Variants in B4GALNT4 observed in about 807,000 individuals in gnomAD.
B4GALNT4 encodes the protein N-acetyl-beta-glucosaminyl-glycoprotein 4-beta-N-acetylgalactosaminyltransferase 1.
Under a neutral mutation model 110.0 loss-of-function variants are expected in B4GALNT4, and 77 were observed. The ratio of observed to expected loss-of-function variants is 0.70; its 90% CI spans 0.58 to 0.85. The LOEUF is 0.85. B4GALNT4 is among the 40% of genes least tolerant of loss of function. B4GALNT4 has a pLI of 0.00. For missense variants in B4GALNT4, 1,575 were observed against 1,506.0 expected (o/e 1.05, Z -0.76); for synonymous variants, 785 against 655.5 (o/e 1.20, Z -3.02).
Position 376,349 on chromosome 11 carries a change from A to G in B4GALNT4, c.1295A>G (p.Asp432Gly), listed in dbSNP as rs750803466. 1 of 1,607,496 alleles carries G rather than the reference A, an allele frequency of 6.2e-7. No homozygotes were observed. Among genetic ancestry groups the G allele is most frequent in the Non-Finnish European group, 8.5e-7 (1 of 1,177,372 alleles). The change falls in exon 13 of 20, where the codon GAC becomes GGC. Residue 432 changes from aspartate (D) to glycine (G), a missense_variant and splice_region_variant. Coordinates refer to ENST00000329962, the MANE Select transcript of B4GALNT4 (RefSeq NM_178537.5). ...CGAGCCTTCCTCTTCCTCAACCCGG[A>G]CGGTGAGTGTCCGCAGCGCCCCTGG... ...QRRAFLFLNP[D>G]DFLDDEDEGE... is the part of the protein sequence containing the mutation.
At chr11:370,180 C>T (rs1846592369) in intron 1 of B4GALNT4, among the ~76,000 whole-genome samples, 1 of 151,782 alleles carries the variant, frequency 6.6e-6, no homozygotes, top group African/African-American at 2.4e-5. Flanking sequence ...TCGGCTCGGC[C>T]CGGACGCTCG....
Position 380,241 on chromosome 11 carries a change from C to T in B4GALNT4, c.2715+39C>T, listed in dbSNP as rs776972376. ...ATGGGGGTCGGGGAGCAAAACGGGG[C>T]GTGCCCGGGGAGGAGCGGAGGGCGG... On this transcript the variant is annotated intron_variant, in intron 17 of 19. Transcript: ENST00000329962. The T allele has an allele frequency of 1.4e-5, 22 of 1,606,782 alleles. No individual in the cohort carries two copies. The African/African-American group carries it at 1.5e-4, about 11-fold the overall frequency.
Position 369,760 on chromosome 11 carries a change from A to T in B4GALNT4, c.-44A>T, listed in dbSNP as rs1161315839. Reference sequence around the variant, plus strand: ...GGGGCGGGCGGGGGCCGGGGGCTGCAGCGGCGCCGCTGAGCGCGGCCTGGG... The same window carrying T: ...GGGGCGGGCGGGGGCCGGGGGCTGCTGCGGCGCCGCTGAGCGCGGCCTGGG... On this transcript the variant is annotated 5_prime_UTR_variant, in exon 1 of 20. Transcript: ENST00000329962. The T allele has an allele frequency of 9.5e-4, 885 of 930,120 alleles. No homozygotes were observed. The highest frequency in any genetic ancestry group is 1.1e-3 in the Non-Finnish European group (851 of 785,544). The allele number at this position is 930,120 out of a possible 1,614,324, so 57.6% of individuals were successfully genotyped here. A position where few individuals can be genotyped will look rare whatever the true frequency, so the allele number is the denominator to read the frequency against.
rs1159058985 is a variant in B4GALNT4 at position 380,026 on chromosome 11, A to AC, written c.2642+11dup. On this transcript the variant is annotated splice_region_variant and intron_variant, in intron 16 of 19. Transcript: ENST00000329962. ...GCGCCGCGCGCCTGCCCCGGTAACG[A>AC]CCCCTACTTCCACCTGGGCGGACCC... 6.2e-7 allele frequency: 1 copy of AC among 1,610,666 alleles called. No homozygotes were observed. Among genetic ancestry groups the AC allele is most frequent in the South Asian group, 1.1e-5 (1 of 90,866 alleles).
At chr11:372,017 A>C (rs1009436507) in intron 1 of B4GALNT4, 92 bp from the exon 2 acceptor site, 1 of 1,018,766 alleles carries the variant, frequency 9.8e-7, no homozygotes, top group Non-Finnish European at 1.5e-6. Flanking sequence ...TGCTCTGGCC[A>C]TGTGGGTCCC....
In B4GALNT4 at chr11:376,957, C is replaced by T. The variant is rs1846769428; in HGVS notation, c.1834C>T (p.Pro612Ser). 2 of 1,450,336 alleles carry T rather than the reference C, an allele frequency of 1.4e-6. No homozygotes were observed. The highest frequency in any genetic ancestry group is 2.9e-5 in the South Asian group (2 of 69,580). The allele number at this position is 1,450,336 out of a possible 1,614,324, so 89.8% of individuals were successfully genotyped here. A position where few individuals can be genotyped will look rare whatever the true frequency, so the allele number is the denominator to read the frequency against. Reference sequence around the variant, plus strand: ...GGCGCGCACGCTGGGACCTGCGGCGCCCACAGTGGACTCAAACTTGTCCTC... The same window carrying T: ...GGCGCGCACGCTGGGACCTGCGGCGTCCACAGTGGACTCAAACTTGTCCTC... The part of the protein sequence containing the change: ...GQARTLGPAA[P>S]TVDSNLSSEA... The change falls in exon 14 of 20, where the codon CCC becomes TCC. Residue 612 changes from proline (P) to serine (S), a missense_variant. Physicochemically the swap from Pro to Ser is moderately conservative, Grantham distance 74. Coordinates refer to ENST00000329962, the MANE Select transcript of B4GALNT4 (RefSeq NM_178537.5).
chr11:376,623 C>A lies in B4GALNT4; in HGVS notation c.1500C>A (p.Ala500=), dbSNP rs751130829. 1 of 1,410,440 alleles carries A rather than the reference C, an allele frequency of 7.1e-7. No homozygotes were observed. Among genetic ancestry groups the A allele is most frequent in the Non-Finnish European group, 9.2e-7 (1 of 1,083,910 alleles). The allele number at this position is 1,410,440 out of a possible 1,614,324, so 87.4% of individuals were successfully genotyped here. A position where few individuals can be genotyped will look rare whatever the true frequency, so the allele number is the denominator to read the frequency against. ...GGGCCCTGAGCTGGGCCGCCAGGGC[C>A]GCCCGCCCTTTGCCGCTCTTCTTGG... ...HSRALSWAAR[A]ARPLPLFLGR... is the part of the protein sequence containing the mutation. Residue 500 remains alanine, a synonymous_variant, in exon 14 of 20, where the codon GCC becomes GCA. Coordinates refer to ENST00000329962, the MANE Select transcript of B4GALNT4 (RefSeq NM_178537.5).
chr11:381,797 G>T lies in B4GALNT4; in HGVS notation c.*5G>T. 1 of 1,572,786 alleles carries T rather than the reference G, an allele frequency of 6.4e-7. No homozygotes were observed. The highest frequency in any genetic ancestry group is 1.2e-5 in the South Asian group (1 of 86,746). On this transcript the variant is annotated 3_prime_UTR_variant, in exon 20 of 20. Transcript: ENST00000329962. ...TCTCGCACGGGGGCGTCTTGAGGAC[G>T]GGCAGCCCCTCCCAGCCCCGGTGGG...
rs1439473275 is a variant in B4GALNT4 at position 379,668 on chromosome 11, C to T, written c.2455C>T (p.Arg819Cys). Residue 819 changes from arginine (R) to cysteine (C), a missense_variant, in exon 15 of 20, where the codon CGC becomes TGC. Coordinates refer to ENST00000329962, the MANE Select transcript of B4GALNT4 (RefSeq NM_178537.5). ...CTGCCGGCCACTGCGCCTGGCCTGG[C>T]GCCAGGACGTGATGGTTCACTTCAT... Reference protein sequence around the residue: ...ELCRPLRLAWRQDVMVHFIVP... With the variant: ...ELCRPLRLAWCQDVMVHFIVP... The T allele has an allele frequency of 2.0e-6, 3 of 1,502,486 alleles. No individual in the cohort carries two copies. Among genetic ancestry groups the T allele is most frequent in the Non-Finnish European group, 2.7e-6 (3 of 1,129,462 alleles). 93.1% of individuals were successfully genotyped at this position (1,502,486 alleles called of 1,614,324 possible).
At position 376,440 on chromosome 11, in the gene B4GALNT4, C is replaced by G. The variant is rs551320381; in HGVS notation, c.1317C>G (p.Asp439Glu). The G allele has an allele frequency of 2.5e-6, 4 of 1,596,728 alleles. No homozygotes were observed. The highest frequency in any genetic ancestry group is 3.4e-6 in the Non-Finnish European group (4 of 1,178,444). Residue 439 changes from aspartate (D) to glutamate (E), a missense_variant, in exon 14 of 20, where the codon GAC (aspartate) becomes GAG (glutamate). Asp to Glu is a conservative substitution (Grantham distance 45). Coordinates refer to ENST00000329962, the MANE Select transcript of B4GALNT4 (RefSeq NM_178537.5). ...CCGCAGACTTCCTGGACGACGAGGA[C>G]GAGGGGGAGCTGCTCGACAGCCTGG... is the stretch of plus-strand genomic sequence containing the variant. ...LNPDDFLDDE[D>E]EGELLDSLEP... is the part of the protein sequence containing the mutation.
Position 373,074 on chromosome 11 carries a change from T to A in B4GALNT4, c.493T>A (p.Tyr165Asn). The change falls in exon 5 of 20, where the codon TAT (tyrosine) becomes AAT (asparagine). Residue 165 changes from tyrosine (Y) to asparagine (N), a missense_variant. Transcript: ENST00000329962. ...GGCCGTGTCCCCCAAGTGGAAGAACTATGGACTCCGTATTTTTGGTTTCAT... is the reference window on the plus strand; with the variant it reads ...GGCCGTGTCCCCCAAGTGGAAGAACAATGGACTCCGTATTTTTGGTTTCAT... ...KLAVSPKWKN[Y>N]GLRIFGFIHP... 6.2e-7 allele frequency: 1 copy of A among 1,611,754 alleles called. No individual in the cohort carries two copies. Among genetic ancestry groups the A allele is most frequent in the Non-Finnish European group, 8.5e-7 (1 of 1,179,730 alleles).
chr11:380,517 G>C, intron 18 of B4GALNT4, 72 bp downstream of exon 18: 2 of 1,521,496 alleles, frequency 1.3e-6, no homozygotes, highest in Non-Finnish European at 8.8e-7. Flanking sequence ...CCAGGAACCC[G>C]GGGCCTCTCT....
chr11:376,178 G>GGCGCGCGGCCGGGCTAAT lies in B4GALNT4; in HGVS notation c.1196+8_1196+25dup, dbSNP rs758288512. ...AGTCTCCGCTGTATCTGGAGAGGTGGGCGCGCGGCCGGGCTAATGCGGGGC... is the reference window on the plus strand; with the variant it reads ...AGTCTCCGCTGTATCTGGAGAGGTGGGCGCGCGGCCGGGCTAATGCGCGCGGCCGGGCTAATGCGGGGC... On this transcript the variant is annotated splice_donor_region_variant and intron_variant, in intron 12 of 19. Transcript: ENST00000329962. 28 of 1,609,712 alleles carry GGCGCGCGGCCGGGCTAAT rather than the reference G, an allele frequency of 1.7e-5. No individual in the cohort carries two copies. The South Asian group carries it at 3.0e-4, about 17-fold the overall frequency.
At position 369,746 on chromosome 11, in the gene B4GALNT4, G is replaced by A; in HGVS notation, c.-58G>A. ...CGGGGATGCGGCGCGGGGCGGGCGG[G>A]GGCCGGGGGCTGCAGCGGCGCCGCT... is the stretch of plus-strand genomic sequence containing the variant. On this transcript the variant is annotated 5_prime_UTR_variant, in exon 1 of 20. Transcript: ENST00000329962. 1 of 879,268 alleles carries A rather than the reference G, an allele frequency of 1.1e-6. No homozygotes were observed. Among genetic ancestry groups the A allele is most frequent in the Non-Finnish European group, 1.4e-6 (1 of 736,696 alleles). 54.5% of individuals were successfully genotyped at this position (879,268 alleles called of 1,614,324 possible).
rs1042128371 is a variant in B4GALNT4, at chr11:380,502, A to G, written c.2869+57A>G. The G allele has an allele frequency of 1.8e-5, 27 of 1,532,760 alleles. No individual in the cohort carries two copies. The East Asian group carries it at 6.1e-4, about 35-fold the overall frequency. The allele number at this position is 1,532,760 out of a possible 1,614,324, so 94.9% of individuals were successfully genotyped here. ...CAGGGTTCCCACCAACCGCCGCGGT[A>G]AAGTCCAGGAACCCGGGGCCTCTCT... On this transcript the variant is annotated intron_variant, in intron 18 of 19. Transcript: ENST00000329962.
At chr11:380,255 A>G (rs1846846185) in intron 17 of B4GALNT4, 37 bp from the exon 18 acceptor site, 1 of 1,609,176 alleles carries the variant, frequency 6.2e-7, no homozygotes, top group African/African-American at 1.3e-5. Context: ...CCCGGGGAGG[A>G]GCGGAGGGCG....
Position 379,437 on chromosome 11 carries a change from A to T in B4GALNT4, c.2224A>T (p.Ile742Phe), listed in dbSNP as rs1438750529. The change falls in exon 15 of 20, where the codon ATC becomes TTC. Residue 742 changes from isoleucine (I) to phenylalanine (F), a missense_variant. Physicochemically the swap from Ile to Phe is conservative, Grantham distance 21. Coordinates refer to ENST00000329962, the MANE Select transcript of B4GALNT4 (RefSeq NM_178537.5). Reference protein sequence around the residue: ...RHGGRFALLRIVNVEKRRDSA... With the variant: ...RHGGRFALLRFVNVEKRRDSA... ...TTGCAGGCGCTTCGCGCTTCTGCGC[A>T]TCGTGAACGTGGAGAAGCGCCGGGA... The T allele has an allele frequency of 6.5e-7, 1 of 1,537,582 alleles. No individual in the cohort carries two copies. Among genetic ancestry groups the T allele is most frequent in the South Asian group, 1.2e-5 (1 of 84,338 alleles).
chr11:376,801 C>A lies in B4GALNT4; in HGVS notation c.1678C>A (p.Leu560Met). The change falls in exon 14 of 20, where the codon CTG (leucine) becomes ATG (methionine). Residue 560 changes from leucine to methionine, a missense_variant. Coordinates refer to ENST00000329962, the MANE Select transcript of B4GALNT4 (RefSeq NM_178537.5). ...FPGVFLHPRP[L>M]PRVQLRAPPR... is the part of the protein sequence containing the mutation. Reference sequence around the variant, plus strand: ...TGGCGTCTTCCTGCACCCCAGGCCTCTGCCCAGAGTGCAGCTGCGGGCGCC... The same window carrying A: ...TGGCGTCTTCCTGCACCCCAGGCCTATGCCCAGAGTGCAGCTGCGGGCGCC... The A allele has an allele frequency of 7.2e-7, 1 of 1,383,720 alleles. No homozygotes were observed. Among genetic ancestry groups the A allele is most frequent in the South Asian group, 1.5e-5 (1 of 68,180 alleles). 85.7% of individuals were successfully genotyped at this position (1,383,720 alleles called of 1,614,324 possible).
Position 373,437 on chromosome 11 carries a change from A to G in B4GALNT4, c.637-12A>G, listed in dbSNP as rs547467841. 1.6e-6 allele frequency: 2 copies of G among 1,272,046 alleles called. No individual in the cohort carries two copies. Among genetic ancestry groups the G allele is most frequent in the Admixed American group, 2.0e-5 (1 of 50,610 alleles). 78.8% of individuals were successfully genotyped at this position (1,272,046 alleles called of 1,614,324 possible). A position where few individuals can be genotyped will look rare whatever the true frequency, so the allele number is the denominator to read the frequency against. On this transcript the variant is annotated splice_polypyrimidine_tract_variant and intron_variant, in intron 6 of 19. Transcript: ENST00000329962. Reference sequence around the variant, plus strand: ...CCCCCCCCACCACCACCCCTGCTCTATCACCCCCCAGACTGGCTCCGAGTG... The same window carrying G: ...CCCCCCCCACCACCACCCCTGCTCTGTCACCCCCCAGACTGGCTCCGAGTG...
Sources: gnomAD v4.1 joint callset for allele counts (sites outside exome capture counted in the v4.1 genomes callset) on GRCh38, gnomAD v4.1.1 for gene constraint, MANE v1.5 for transcripts, NCBI Gene and HGNC (gene_info 2026-07-23, HGNC 2026-07-21) for gene names.